The following TTC17 variants were observed in gnomAD, a reference collection of about 807,000 sequenced individuals.
TTC17 encodes tetratricopeptide repeat domain 17.
TTC17 carries 58 observed loss-of-function variants against 143.8 expected under a neutral mutation model. The ratio of observed to expected loss-of-function variants is 0.40; its 90% CI spans 0.33 to 0.50. TTC17 has a LOEUF of 0.50. TTC17 is among the 20% of genes least tolerant of loss of function. The pLI is 0.49. For synonymous variants in TTC17, 501 were observed against 497.8 expected (o/e 1.01, Z -0.09); for missense variants, 1,273 against 1,392.5 (o/e 0.91, Z 1.37).
At chr11:43,468,352 A>G (rs887141882) in intron 21 of TTC17, 1 of 152,250 alleles carries the variant, frequency 6.6e-6, no homozygotes, top group South Asian at 2.1e-4. Flanking sequence ...AAACCTTTAC[A>G]TAGATGGTCA....
chr11:43,439,723 G>C (rs890028307), intron 16 of TTC17, among the ~76,000 whole-genome samples: 4 of 151,946 alleles, frequency 2.6e-5, no homozygotes, highest in African/African-American at 9.7e-5. Context: ...CTCCCGTCTC[G>C]ACCTCCCAAA....
intron 3 of TTC17, among the ~76,000 whole-genome samples, chr11:43,390,755 T>A (rs1000470352): frequency 6.7e-6 from 1 of 149,158 alleles, no homozygotes; most frequent in Non-Finnish European, 1.5e-5. Flanking sequence ...TGGAAAAAAA[T>A]TTCTCAGAAA....
intron 16 of TTC17, among the ~76,000 whole-genome samples, chr11:43,437,895 G>GC (rs1308919501): frequency 1.3e-5 from 2 of 152,130 alleles, no homozygotes; most frequent in African/African-American, 2.4e-5. Flanking sequence ...TAGTGACCCA[G>GC]CTAAAAAAAG....
intron 5 of TTC17, among the ~76,000 whole-genome samples, chr11:43,395,893 G>A (rs1295562261): frequency 1.3e-5 from 2 of 152,086 alleles, no homozygotes; most frequent in South Asian, 4.1e-4. Context: ...CAGCTTTATA[G>A]TTAAAACGTA....
chr11:43,434,011 C>G lies in TTC17; in HGVS notation c.2252-9314C>G, dbSNP rs376508163. 9.2e-5 allele frequency among the ~76,000 whole-genome samples: 14 copies of G among 152,204 alleles called. No homozygotes were observed. In the South Asian group the frequency reaches 2.5e-3, roughly 27 times the overall value. ...CATTATTCTGTTTTATTTTAATGCT[C>G]TTATGTTTAGCTCCCCTGACTTAAC... On this transcript the variant is annotated intron_variant, in intron 16 of 23. Coordinates refer to ENST00000039989, the MANE Select transcript of TTC17 (RefSeq NM_018259.6).
chr11:43,401,355 C>A, intron 9 of TTC17, 91 bp from the exon 10 acceptor site: 1 of 798,132 alleles, frequency 1.3e-6, no homozygotes, highest in African/African-American at 1.7e-5. Flanking sequence ...CTGAGGGATA[C>A]AGGGTTGATA....
chr11:43,493,473 A>G (rs1332000176), intron 23 of TTC17, among the ~76,000 whole-genome samples: 3 of 152,070 alleles, frequency 2.0e-5, no homozygotes, highest in Admixed American at 6.5e-5. Context: ...AGGTCTCATT[A>G]TTACCACAAT....
intron 15 of TTC17, among the ~76,000 whole-genome samples, 181 bp downstream of exon 15, chr11:43,407,758 AT>A (rs1858213211): frequency 6.6e-6 from 1 of 151,256 alleles, no homozygotes; most frequent in Admixed American, 6.6e-5. Context: ...TGTTCTTTAA[AT>A]TTTGAGTGAA....
intron 1 of TTC17, among the ~76,000 whole-genome samples, chr11:43,359,539 G>T (rs575958668): frequency 1.1e-4 from 16 of 152,244 alleles, no homozygotes; most frequent in African/African-American, 3.6e-4. Flanking sequence ...GAGTCCCATG[G>T]TATGACAGCT....
intron 16 of TTC17, among the ~76,000 whole-genome samples, chr11:43,422,244 T>C: frequency 6.6e-6 from 1 of 152,146 alleles, no homozygotes; most frequent in East Asian, 1.9e-4. Context: ...TAAATAGTGG[T>C]GCTATTTAAT....
intron 16 of TTC17, among the ~76,000 whole-genome samples, chr11:43,432,748 G>A (rs190851291): frequency 6.6e-6 from 1 of 152,066 alleles, no homozygotes; most frequent in East Asian, 1.9e-4. Context: ...TCCGACCTCT[G>A]CCAGGAAAAC....
chr11:43,371,024 G>T (rs1012098358), intron 1 of TTC17, among the ~76,000 whole-genome samples: 16 of 36,696 alleles, frequency 4.4e-4, no homozygotes, highest in Non-Finnish European at 9.4e-4. Flanking sequence ...GAGGGGAGGT[G>T]GGGGGGGGGG....
At chr11:43,485,890 T>TG (rs1182300983) in intron 21 of TTC17, among the ~76,000 whole-genome samples, 10 of 149,892 alleles carry the variant, frequency 6.7e-5, no homozygotes, top group African/African-American at 2.4e-4. Flanking sequence ...TTTGTTTTTT[T>TG]TTTTTTTTTT....
chr11:43,408,751 T>A (rs555448964), intron 15 of TTC17, among the ~76,000 whole-genome samples: 1 of 152,250 alleles, frequency 6.6e-6, no homozygotes, highest in African/African-American at 2.4e-5. Context: ...ATACCTTTTT[T>A]TTTTCTTTGA....
At chr11:43,402,585 A>T (rs1353725880) in intron 10 of TTC17, among the ~76,000 whole-genome samples, 1 of 152,134 alleles carries the variant, frequency 6.6e-6, no homozygotes, top group African/African-American at 2.4e-5. Flanking sequence ...AAAAAAAAAG[A>T]TTCAAACTCT....
intron 21 of TTC17, among the ~76,000 whole-genome samples, chr11:43,453,556 A>G (rs952969760): frequency 6.6e-6 from 1 of 152,220 alleles, no homozygotes; most frequent in African/African-American, 2.4e-5. Flanking sequence ...TGCCATTAAC[A>G]TGTAACAAAT....
chr11:43,411,201 C>A (rs146341532), intron 15 of TTC17, among the ~76,000 whole-genome samples: 80 of 152,274 alleles, frequency 5.3e-4, no homozygotes, highest in African/African-American at 1.8e-3. Context: ...TCTGTGAAGT[C>A]ATTCCTTAGC....
chr11:43,376,336 A>C (rs1289911133), intron 1 of TTC17, among the ~76,000 whole-genome samples: 1 of 152,210 alleles, frequency 6.6e-6, no homozygotes, highest in East Asian at 1.9e-4. Flanking sequence ...TAATTTCCAG[A>C]TACTTGATCA....
chr11:43,412,310 C>T (rs1858451949), intron 15 of TTC17, among the ~76,000 whole-genome samples: 3 of 152,016 alleles, frequency 2.0e-5, no homozygotes, highest in Admixed American at 2.0e-4. Flanking sequence ...ACAATGAGAT[C>T]CACTCTCTAC....
Sources: gnomAD v4.1 joint callset for allele counts (sites outside exome capture counted in the v4.1 genomes callset) on GRCh38, gnomAD v4.1.1 for gene constraint, MANE v1.5 for transcripts, NCBI Gene and HGNC (gene_info 2026-07-23, HGNC 2026-07-21) for gene names.